The following TBC1D5 variants were observed in gnomAD, a reference collection of about 807,000 sequenced individuals.
TBC1D5 encodes TBC1 domain family, member 5.
TBC1D5 carries 75 observed loss-of-function variants against 100.3 expected under a neutral mutation model. That is an observed-to-expected ratio of 0.75 (90% CI 0.62 to 0.91). The LOEUF (loss-of-function observed/expected upper bound fraction) is 0.91. TBC1D5 is among the 40% of genes least tolerant of loss of function. TBC1D5 has a pLI of 0.00. For synonymous variants in TBC1D5, 323 were observed against 325.6 expected (o/e 0.99, Z 0.09); for missense variants, 910 against 942.4 (o/e 0.97, Z 0.45).
intron 19 of TBC1D5, chr3:17,184,458 T>TA (rs2125496659): frequency 6.6e-6 from 1 of 152,316 alleles, no homozygotes; most frequent in Admixed American, 6.5e-5. Flanking sequence ...CTGAGGTAAG[T>TA]AGACATTTAC....
At chr3:17,597,538 A>AT (rs1231746215) in intron 2 of TBC1D5, among the ~76,000 whole-genome samples, 3 of 152,214 alleles carry the variant, frequency 2.0e-5, no homozygotes, top group African/African-American at 7.2e-5. Flanking sequence ...CTTGGTTTAC[A>AT]TTATCATTAC....
chr3:17,665,161 T>A (rs1421882432), intron 1 of TBC1D5: 1 of 149,992 alleles, frequency 6.7e-6, no homozygotes, highest in African/African-American at 2.4e-5. Flanking sequence ...ACTCTTAAAC[T>A]ACAGAAGGGC....
chr3:17,260,770 C>T (rs928618641), intron 15 of TBC1D5, among the ~76,000 whole-genome samples: 4 of 151,764 alleles, frequency 2.6e-5, no homozygotes, highest in Non-Finnish European at 5.9e-5. Flanking sequence ...TTTCTAGTAG[C>T]CACATTTAAA....
intron 1 of TBC1D5, among the ~76,000 whole-genome samples, chr3:17,723,206 T>C (rs1037179928): frequency 2.0e-5 from 3 of 152,176 alleles, no homozygotes; most frequent in African/African-American, 4.8e-5. Context: ...AAAGAATAAA[T>C]GTTTCAGGGG....
chr3:17,537,298 A>G (rs919913121), intron 2 of TBC1D5, among the ~76,000 whole-genome samples: 1 of 152,232 alleles, frequency 6.6e-6, no homozygotes, highest in Non-Finnish European at 1.5e-5. Flanking sequence ...ACTGCTTAGC[A>G]TGGCCTCAGG....
chr3:17,352,689 A>AAAAAAAC (rs1553700503), intron 13 of TBC1D5, among the ~76,000 whole-genome samples: 8 of 150,864 alleles, frequency 5.3e-5, no homozygotes, highest in Non-Finnish European at 8.9e-5. Flanking sequence ...AAGGCAAAAA[A>AAAAAAAC]AAAAAAAAAA....
At chr3:17,440,593 G>A (rs1479022713) in intron 3 of TBC1D5, among the ~76,000 whole-genome samples, 1 of 152,064 alleles carries the variant, frequency 6.6e-6, no homozygotes, top group African/African-American at 2.4e-5. Flanking sequence ...CTGCAGCTTG[G>A]GTGACAAAGT....
intron 12 of TBC1D5, among the ~76,000 whole-genome samples, chr3:17,374,124 C>A (rs748714743): frequency 2.0e-5 from 3 of 151,952 alleles, no homozygotes; most frequent in Non-Finnish European, 4.4e-5. Context: ...GCAAAACAAC[C>A]TATTTGACAC....
intron 14 of TBC1D5, among the ~76,000 whole-genome samples, chr3:17,292,523 A>T (rs76331518): frequency 0.027 from 4,088 of 152,290 alleles, 77 homozygotes; most frequent in Middle Eastern, 0.048. Context: ...TAAAGGTAAC[A>T]AGAGATTTAG....
chr3:17,560,948 T>TA (rs1410027461), intron 2 of TBC1D5, among the ~76,000 whole-genome samples: 17 of 152,084 alleles, frequency 1.1e-4, no homozygotes, highest in South Asian at 2.1e-4. Context: ...ATAGTTTTTT[T>TA]AAATGAACAT....
At chr3:17,489,096 C>T (rs567610545) in intron 3 of TBC1D5, among the ~76,000 whole-genome samples, 14 of 151,712 alleles carry the variant, frequency 9.2e-5, no homozygotes, top group Non-Finnish European at 1.6e-4. Flanking sequence ...AAGCAATCAA[C>T]AAATGAATCA....
intron 2 of TBC1D5, among the ~76,000 whole-genome samples, chr3:17,595,455 C>A (rs1430794021): frequency 6.6e-6 from 1 of 152,142 alleles, no homozygotes; most frequent in Non-Finnish European, 1.5e-5. Flanking sequence ...CTGGGAAACT[C>A]ATTTAGCCTA....
At chr3:17,635,747 T>A (rs1411253893) in intron 1 of TBC1D5, among the ~76,000 whole-genome samples, 1 of 152,180 alleles carries the variant, frequency 6.6e-6, no homozygotes, top group Non-Finnish European at 1.5e-5. Flanking sequence ...TTCAGGGTAC[T>A]GGTGCAGGCT....
At chr3:17,690,175 T>C (rs1231117206) in intron 1 of TBC1D5, among the ~76,000 whole-genome samples, 1 of 148,410 alleles carries the variant, frequency 6.7e-6, no homozygotes, top group Non-Finnish European at 1.5e-5. Flanking sequence ...AATAAGAATA[T>C]AAGAGAACTG....
intron 3 of TBC1D5, among the ~76,000 whole-genome samples, chr3:17,505,334 ACT>A (rs1056117260): frequency 6.6e-5 from 10 of 151,886 alleles, no homozygotes; most frequent in Non-Finnish European, 1.3e-4. Context: ...CATCTCTCTT[ACT>A]CCTGAGATAT....
In TBC1D5 at chr3:17,444,755, G is replaced by C. The variant is rs2094745635; in HGVS notation, c.98-16236C>G. On this transcript the variant is annotated intron_variant, in intron 3 of 21. Coordinates refer to ENST00000253692, the Ensembl canonical transcript of TBC1D5. ...GCCACACATAATTCTTCCATTGTTA[G>C]TATTTTAACATTTGCTCAAATTTTT... 2.6e-5 allele frequency among the ~76,000 whole-genome samples: 4 copies of C among 152,024 alleles called. No homozygotes were observed. The South Asian group carries it at 8.3e-4, about 32-fold the overall frequency.
chr3:17,579,529 A>C (rs943988765), intron 2 of TBC1D5, among the ~76,000 whole-genome samples: 26 of 152,104 alleles, frequency 1.7e-4, no homozygotes, highest in Admixed American at 1.7e-3. Context: ...TGTAAAAATG[A>C]GTAAGAGGAA....
chr3:17,178,061 TGC>T, intron 19 of TBC1D5, among the ~76,000 whole-genome samples: 1 of 141,836 alleles, frequency 7.1e-6, no homozygotes, highest in Admixed American at 7.2e-5. Flanking sequence ...GGCTGAATAG[TGC>T]TCCTTTTTTT....
rs189839238 is a variant in TBC1D5 at position 17,448,776 on chromosome 3, G to A, written c.98-20257C>T. On this transcript the variant is annotated intron_variant, in intron 3 of 21. Coordinates refer to ENST00000253692, the Ensembl canonical transcript of TBC1D5. ...GTTCTATTTACAGAGCACAGTGAGA[G>A]GAGATTTAATTAACTCTTAAGGGCC... is the stretch of plus-strand genomic sequence containing the variant. 2.3e-4 allele frequency among the ~76,000 whole-genome samples: 34 copies of A among 149,076 alleles called. 1 individual carries two copies. The East Asian group carries it at 6.4e-3, about 28-fold the overall frequency.
Sources: gnomAD v4.1 joint callset for allele counts (sites outside exome capture counted in the v4.1 genomes callset) on GRCh38, gnomAD v4.1.1 for gene constraint, MANE v1.5 for transcripts, NCBI Gene and HGNC (gene_info 2026-07-23, HGNC 2026-07-21) for gene names.